LNPEP: variants seen among roughly 807,000 people sequenced by gnomAD.
LNPEP encodes the protein leucyl-cystinyl aminopeptidase.
In LNPEP, 64 loss-of-function variants were observed where a neutral mutation model predicts 120.6. That is an observed-to-expected ratio of 0.53 (90% CI 0.43 to 0.65). LNPEP has a LOEUF of 0.65. Among genes scored for constraint, LNPEP ranks in the 30% least tolerant of loss-of-function variants. LNPEP has a pLI of 0.00. For missense variants in LNPEP, 1,057 were observed against 1,200.0 expected (o/e 0.88, Z 1.76); for synonymous variants, 435 against 425.4 (o/e 1.02, Z -0.28).
In LNPEP at chr5:97,022,079, G is replaced by A. The variant is rs555039046; in HGVS notation, c.2377-221G>A. ...CCTGAGTAGCTGGGATTACAGGCAC[G>A]ACCATCATGCCTGCCTAATTTTTGT... On this transcript the variant is annotated intron_variant, in intron 13 of 17. Coordinates refer to ENST00000231368, the MANE Select transcript of LNPEP (RefSeq NM_005575.3). Among the ~76,000 whole-genome samples, 6 of 151,376 alleles carry A rather than the reference G, an allele frequency of 4.0e-5. No homozygotes were observed. The East Asian group carries it at 5.9e-4, about 15-fold the overall frequency.
At position 97,032,745 on chromosome 5, in the gene LNPEP, T is replaced by G. The variant is rs1223816544; in HGVS notation, c.*4212T>G. 6.6e-6 allele frequency: 1 copy of G among 152,198 alleles called. No individual in the cohort carries two copies. The highest frequency in any genetic ancestry group is 1.5e-5 in the Non-Finnish European group (1 of 68,034). The allele number at this position is 152,198 out of a possible 1,614,324, so 9.4% of individuals were successfully genotyped here. A position where few individuals can be genotyped will look rare whatever the true frequency, so the allele number is the denominator to read the frequency against. ...TTCATTTTGTATTTCATTCATCCAT[T>G]TTGTGGACGTGTAGATAAAACGCGG... is the stretch of plus-strand genomic sequence containing the variant. On this transcript the variant is annotated 3_prime_UTR_variant, in exon 18 of 18. Coordinates refer to ENST00000231368, the MANE Select transcript of LNPEP (RefSeq NM_005575.3).
At chr5:97,025,660 A>T (rs1791319130) in intron 15 of LNPEP, among the ~76,000 whole-genome samples, 1 of 152,228 alleles carries the variant, frequency 6.6e-6, no homozygotes, top group Non-Finnish European at 1.5e-5. Flanking sequence ...ATATTTGTAC[A>T]TATGTACGTA....
chr5:96,984,758 T>C (rs911141177), intron 2 of LNPEP, among the ~76,000 whole-genome samples: 1 of 152,228 alleles, frequency 6.6e-6, no homozygotes, highest in Non-Finnish European at 1.5e-5. Flanking sequence ...TTCCAGAGTA[T>C]ACTTTCTTCC....
At chr5:96,971,884 C>T (rs1185810259) in intron 1 of LNPEP, among the ~76,000 whole-genome samples, 3 of 151,982 alleles carry the variant, frequency 2.0e-5, no homozygotes, top group Non-Finnish European at 4.4e-5. Flanking sequence ...ACGTCTTCTT[C>T]AGGGATTCTT....
chr5:96,970,838 T>C (rs1193732594), intron 1 of LNPEP, among the ~76,000 whole-genome samples: 1 of 152,056 alleles, frequency 6.6e-6, no homozygotes, highest in East Asian at 1.9e-4. Flanking sequence ...TCTGTGCTTT[T>C]GTTGTCTTTT....
At chr5:97,009,922 G>C (rs777058601) in intron 11 of LNPEP, among the ~76,000 whole-genome samples, 12 of 152,008 alleles carry the variant, frequency 7.9e-5, no homozygotes, top group Non-Finnish European at 1.8e-4. Flanking sequence ...GTATTATTTT[G>C]ATGCTTGATG....
intron 1 of LNPEP, among the ~76,000 whole-genome samples, chr5:96,951,265 C>G (rs11135485): frequency 0.49 from 72,354 of 148,150 alleles, 17,921 homozygotes; most frequent in African/African-American, 0.56. Flanking sequence ...CTTTTTTTGG[C>G]GGGGGGCGCG....
At chr5:96,990,394 AT>A (rs1790363372) in intron 4 of LNPEP, among the ~76,000 whole-genome samples, 1 of 152,078 alleles carries the variant, frequency 6.6e-6, no homozygotes, top group Admixed American at 6.6e-5. Context: ...GGGAGAATAA[AT>A]TTCTTCCCTT....
intron 11 of LNPEP, among the ~76,000 whole-genome samples, chr5:97,008,471 C>G (rs1203923375): frequency 6.8e-6 from 1 of 146,562 alleles, no homozygotes; most frequent in Non-Finnish European, 1.5e-5. Flanking sequence ...CTGCCTCAGC[C>G]TGCCAAGAAG....
At position 96,962,858 on chromosome 5, in the gene LNPEP, T is replaced by A. The variant is rs545092060; in HGVS notation, c.20-16280T>A. On this transcript the variant is annotated intron_variant, in intron 1 of 17. Coordinates refer to ENST00000231368, the MANE Select transcript of LNPEP (RefSeq NM_005575.3). ...CAGTGAATGTTGGCTTTTATCAACA[T>A]TGTCAGTGGTGGTAGTGACGATGAT... 6 of 152,280 alleles carry A rather than the reference T, an allele frequency of 3.9e-5. No individual in the cohort carries two copies. In the South Asian group the frequency reaches 1.2e-3, roughly 32 times the overall value. The allele number at this position is 152,280 out of a possible 1,614,324, so 9.4% of individuals were successfully genotyped here.
chr5:96,939,652 G>A (rs994822741), intron 1 of LNPEP, among the ~76,000 whole-genome samples: 3 of 150,988 alleles, frequency 2.0e-5, no homozygotes, highest in African/African-American at 7.3e-5. Flanking sequence ...TTTTATTACC[G>A]CAGTGTGGTG....
Position 96,993,860 on chromosome 5 carries a change from T to C in LNPEP, c.1296T>C (p.Asn432=), listed in dbSNP as rs890709535. 4 of 1,613,842 alleles carry C rather than the reference T, an allele frequency of 2.5e-6. No homozygotes were observed. The highest frequency in any genetic ancestry group is 3.4e-6 in the Non-Finnish European group (4 of 1,179,828). ...ACTTTGAAGCAGGAGCAATGGAAAA[T>C]TGGGGTTTGCTCACCTTCCGAGAGG... ...IPDFEAGAME[N]WGLLTFREET... Residue 432 remains asparagine (N), a synonymous_variant, in exon 6 of 18, where the codon AAT becomes AAC. Transcript: ENST00000231368.
At chr5:96,968,270 A>G (rs1014354536) in intron 1 of LNPEP, among the ~76,000 whole-genome samples, 1 of 152,108 alleles carries the variant, frequency 6.6e-6, no homozygotes, top group Non-Finnish European at 1.5e-5. Flanking sequence ...GGCAACCAGC[A>G]TAATTAACAC....
chr5:96,986,405 A>C, intron 3 of LNPEP, 134 bp from the exon 4 acceptor site: 1 of 832,092 alleles, frequency 1.2e-6, no homozygotes, highest in Non-Finnish European at 1.9e-6. Flanking sequence ...CTTTGCAGAA[A>C]TTCATACTGA....
At chr5:97,000,508 C>T (rs1790624146) in intron 8 of LNPEP, among the ~76,000 whole-genome samples, 1 of 152,166 alleles carries the variant, frequency 6.6e-6, no homozygotes, top group South Asian at 2.1e-4. Flanking sequence ...ATGTGATTTC[C>T]TTCTGGGTGT....
intron 1 of LNPEP, among the ~76,000 whole-genome samples, chr5:96,971,139 G>T (rs538811747): frequency 6.6e-6 from 1 of 151,902 alleles, no homozygotes; most frequent in African/African-American, 2.4e-5. Context: ...TTCACTGTAT[G>T]TGCAAAGTTG....
At chr5:97,007,848 A>G (rs27659) in intron 11 of LNPEP, among the ~76,000 whole-genome samples, 90,198 of 152,046 alleles carry the variant, frequency 0.59, 26,838 homozygotes, top group Middle Eastern at 0.7. Flanking sequence ...TGAAGACTGC[A>G]GTACCTTTTG....
chr5:96,955,547 A>G (rs1367307701), intron 1 of LNPEP, among the ~76,000 whole-genome samples: 1 of 152,196 alleles, frequency 6.6e-6, no homozygotes, highest in African/African-American at 2.4e-5. Flanking sequence ...CCCAGGAGGC[A>G]GAGGTTGTAG....
chr5:96,974,804 A>T (rs1157326631), intron 1 of LNPEP, among the ~76,000 whole-genome samples: 1 of 152,030 alleles, frequency 6.6e-6, no homozygotes, highest in African/African-American at 2.4e-5. Flanking sequence ...AAAATATTTA[A>T]TGCTGGCCAC....
Sources: gnomAD v4.1 joint callset for allele counts (sites outside exome capture counted in the v4.1 genomes callset) on GRCh38, gnomAD v4.1.1 for gene constraint, MANE v1.5 for transcripts, NCBI Gene and HGNC (gene_info 2026-07-23, HGNC 2026-07-21) for gene names.